ZNF808: variants seen among roughly 807,000 people sequenced by gnomAD.
ZNF808 encodes the protein zinc finger protein 808.
A neutral mutation model predicts 8.7 loss-of-function variants in ZNF808; 5 were observed. The ratio of observed to expected loss-of-function variants is 0.58; its 90% CI spans 0.30 to 1.21. ZNF808 has a LOEUF of 1.21. ZNF808 is among the 50% of genes most tolerant of loss of function. The pLI is 0.07. For synonymous variants in ZNF808, 380 were observed against 366.0 expected, an observed-to-expected ratio of 1.04 and a Z score of -0.44; for missense variants, 1,103 against 1,098.4, an observed-to-expected ratio of 1.00 and a Z score of -0.06.
chr19:52,535,330 C>CAAAAA (rs560559835), intron 2 of ZNF808, among the ~76,000 whole-genome samples: 22 of 70,126 alleles, frequency 3.1e-4, no homozygotes, highest in African/African-American at 1.0e-3. Context: ...GACTCCGTCT[C>CAAAAA]AAAAAAAAAA....
intron 2 of ZNF808, among the ~76,000 whole-genome samples, chr19:52,540,537 AC>A (rs1269103642): frequency 6.6e-6 from 1 of 152,090 alleles, no homozygotes; most frequent in Non-Finnish European, 1.5e-5. Context: ...GATATCAAGG[AC>A]CTTTTTTCTT....
At chr19:52,531,093 C>A (rs758687376) in intron 1 of ZNF808, among the ~76,000 whole-genome samples, 6 of 152,184 alleles carry the variant, frequency 3.9e-5, no homozygotes, top group Non-Finnish European at 8.8e-5. Context: ...TGCCACTACA[C>A]TGCAAGCTGA....
At chr19:52,566,897 T>G (rs2059874233), downstream of ZNF808, among the ~76,000 whole-genome samples, 2 of 152,056 alleles carry the variant, frequency 1.3e-5, no homozygotes, top group East Asian at 3.9e-4. Flanking sequence ...CAATGTATGC[T>G]TCTAAGCTAA....
At chr19:52,541,304 G>T (rs2059668282) in intron 2 of ZNF808, among the ~76,000 whole-genome samples, 1 of 150,870 alleles carries the variant, frequency 6.6e-6, no homozygotes. Context: ...GTGACATAGA[G>T]ATCCAATATT....
At chr19:52,567,149 A>G (rs2146971574), downstream of ZNF808, among the ~76,000 whole-genome samples, 1 of 151,980 alleles carries the variant, frequency 6.6e-6, no homozygotes, top group Admixed American at 6.6e-5. Context: ...ACGGGGTTTC[A>G]TCACGTTCGC....
intron 2 of ZNF808, among the ~76,000 whole-genome samples, chr19:52,542,878 G>A (rs923767963): frequency 6.6e-6 from 1 of 151,140 alleles, no homozygotes; most frequent in Non-Finnish European, 1.5e-5. Context: ...GCACGATCTC[G>A]ACTCACTGCA....
At chr19:52,563,680 T>C (rs2059864716) in exon 4 of ZNF808, 1 of 154,176 alleles carries the variant, frequency 6.5e-6, no homozygotes, top group South Asian at 2.0e-4. Context: ...ATGTTGAAAG[T>C]GATGCATGAA....
At chr19:52,529,454 T>A (rs1221600141) in intron 1 of ZNF808, among the ~76,000 whole-genome samples, 1 of 152,210 alleles carries the variant, frequency 6.6e-6, no homozygotes, top group African/African-American at 2.4e-5. Context: ...AGTTGTGACA[T>A]GTTGACTTCC....
At position 52,554,875 on chromosome 19, in the gene ZNF808, T is replaced by C; in HGVS notation, c.1959T>C (p.Cys653=). 1 of 1,614,208 alleles carries C rather than the reference T, an allele frequency of 6.2e-7. No homozygotes were observed. The highest frequency in any genetic ancestry group is 1.1e-5 in the South Asian group (1 of 91,090). Reference sequence around the variant, plus strand: ...ACACTGGAGAAAAAACTTACAAGTGTAATGAGTGTGGGAAGACCTTCAGTT... The same window carrying C: ...ACACTGGAGAAAAAACTTACAAGTGCAATGAGTGTGGGAAGACCTTCAGTT... ...RIHTGEKTYK[C]NECGKTFSYK... The change falls in exon 5 of 5, where the codon TGT becomes TGC. Residue 653 remains cysteine, a synonymous_variant. Coordinates refer to ENST00000359798, the MANE Select transcript of ZNF808 (RefSeq NM_001039886.4).
downstream of ZNF808, among the ~76,000 whole-genome samples, chr19:52,557,287 A>T (rs758891004): frequency 7.5e-6 from 1 of 133,598 alleles, no homozygotes; most frequent in Non-Finnish European, 1.6e-5. Context: ...TTTTTTTGAG[A>T]TGGAGTTTTG....
At chr19:52,552,307 G>A (rs1600025426) in intron 4 of ZNF808, among the ~76,000 whole-genome samples, 1 of 151,772 alleles carries the variant, frequency 6.6e-6, no homozygotes, top group African/African-American at 2.4e-5. Context: ...ATGAGCCACC[G>A]CACCCGGCCC....
chr19:52,540,971 A>C (rs1161032104), intron 2 of ZNF808, among the ~76,000 whole-genome samples: 1 of 152,072 alleles, frequency 6.6e-6, no homozygotes, highest in African/African-American at 2.4e-5. Flanking sequence ...TTTTTCTTTG[A>C]GATGGAGTCT....
intron 4 of ZNF808, among the ~76,000 whole-genome samples, chr19:52,548,897 C>T (rs2059748699): frequency 6.6e-6 from 1 of 151,992 alleles, no homozygotes. Context: ...GTGGGTGAAT[C>T]ACCTGAGGTC....
Position 52,553,889 on chromosome 19 carries a change from C to G in ZNF808, c.973C>G (p.Arg325Gly), listed in dbSNP as rs776544335. 1.7e-5 allele frequency: 27 copies of G among 1,613,700 alleles called. No individual in the cohort carries two copies. Among genetic ancestry groups the G allele is most frequent in the Non-Finnish European group, 2.0e-5 (24 of 1,179,922 alleles). ...GTGTAATGAGTGTGGCAAGGTCTTTCGTCAAAATTCAGCCCTTGTAATTCA... is the reference window on the plus strand; with the variant it reads ...GTGTAATGAGTGTGGCAAGGTCTTTGGTCAAAATTCAGCCCTTGTAATTCA... Reference protein sequence around the residue: ...YKCNECGKVFRQNSALVIHKA... With the variant: ...YKCNECGKVFGQNSALVIHKA... The change falls in exon 5 of 5, where the codon CGT becomes GGT. Residue 325 changes from arginine to glycine, a missense_variant. Transcript: ENST00000359798.
At chr19:52,566,585 A>G (rs1009069609), downstream of ZNF808, among the ~76,000 whole-genome samples, 46 of 152,224 alleles carry the variant, frequency 3.0e-4, no homozygotes, top group African/African-American at 1.1e-3. Context: ...TATTTCACTT[A>G]GTATTGCTAT....
chr19:52,553,011 CA>C (rs1422976724), intron 4 of ZNF808, 95 bp from the exon 5 acceptor site: 2 of 1,403,964 alleles, frequency 1.4e-6, no homozygotes, highest in African/African-American at 1.5e-5. Context: ...TTGGGAATTT[CA>C]AAATAAGTAT....
downstream of ZNF808, among the ~76,000 whole-genome samples, chr19:52,561,204 C>CTA (rs2059856556): frequency 2.6e-5 from 1 of 39,204 alleles, no homozygotes; most frequent in Non-Finnish European, 5.4e-5. Context: ...CTCTCTCTCT[C>CTA]TCTCTCTCTA....
At chr19:52,566,718 G>A (rs2059873828), downstream of ZNF808, among the ~76,000 whole-genome samples, 1 of 152,088 alleles carries the variant, frequency 6.6e-6, no homozygotes, top group Non-Finnish European at 1.5e-5. Flanking sequence ...TCCTAGGGGA[G>A]CTAGGGTGAC....
chr19:52,538,330 A>AATTATTATTATTATTATTATTATTATT (rs760151370), intron 2 of ZNF808, among the ~76,000 whole-genome samples: 333 of 123,780 alleles, frequency 2.7e-3, no homozygotes, highest in African/African-American at 8.2e-3. Flanking sequence ...CCTACATACT[A>AATTATTATTATTATTATTATTATTATT]ATTATTATTA....
Sources: gnomAD v4.1 joint callset for allele counts (sites outside exome capture counted in the v4.1 genomes callset) on GRCh38, gnomAD v4.1.1 for gene constraint, MANE v1.5 for transcripts, NCBI Gene and HGNC (gene_info 2026-07-23, HGNC 2026-07-21) for gene names.